Variants in BAZ2B observed in about 807,000 individuals in gnomAD.
BAZ2B encodes the protein bromodomain adjacent to zinc finger domain protein 2B.
Under a neutral mutation model 246.0 loss-of-function variants are expected in BAZ2B, and 91 were observed. The ratio of observed to expected loss-of-function variants is 0.37; its 90% confidence interval spans 0.31 to 0.44. The LOEUF is 0.44. BAZ2B is among the 20% of genes least tolerant of loss of function. The pLI, the probability that BAZ2B is intolerant of heterozygous loss-of-function variation, is 1.00. For synonymous variants in BAZ2B, 855 were observed against 860.0 expected (o/e 0.99, Z 0.10); for missense variants, 2,332 against 2,533.7 (o/e 0.92, Z 1.71).
At chr2:159,541,782 C>T (rs1450153927) in intron 2 of BAZ2B, among the ~76,000 whole-genome samples, 1 of 151,966 alleles carries the variant, frequency 6.6e-6, no homozygotes, top group Non-Finnish European at 1.5e-5. Flanking sequence ...CTTCATATGC[C>T]TTTAAGTTAC....
chr2:159,371,316 T>A (rs1257902892), intron 27 of BAZ2B, among the ~76,000 whole-genome samples: 1 of 151,942 alleles, frequency 6.6e-6, no homozygotes, highest in Non-Finnish European at 1.5e-5. Flanking sequence ...CTAATTTTTG[T>A]ACTTTTTGCT....
At chr2:159,373,316 G>T in intron 26 of BAZ2B, 127 bp from the exon 27 acceptor site, 1 of 713,432 alleles carries the variant, frequency 1.4e-6, no homozygotes, top group Non-Finnish European at 2.0e-6. Context: ...AAGAGCAAAA[G>T]GTCTAAATAT....
intron 2 of BAZ2B, among the ~76,000 whole-genome samples, chr2:159,547,274 A>G (rs1446223090): frequency 6.6e-6 from 1 of 152,188 alleles, no homozygotes; most frequent in Non-Finnish European, 1.5e-5. Flanking sequence ...AAATGCATTT[A>G]AAAATGCATT....
intron 1 of BAZ2B, among the ~76,000 whole-genome samples, chr2:159,558,790 T>A (rs1308587220): frequency 6.6e-6 from 1 of 152,038 alleles, no homozygotes; most frequent in Non-Finnish European, 1.5e-5. Context: ...GAAAATACAA[T>A]GAATAAAGGC....
intron 1 of BAZ2B, among the ~76,000 whole-genome samples, chr2:159,592,884 T>C (rs1012123187): frequency 6.6e-6 from 1 of 152,222 alleles, no homozygotes; most frequent in African/African-American, 2.4e-5. Flanking sequence ...CTGTTAAGTT[T>C]TGAAATATTT....
intron 2 of BAZ2B, among the ~76,000 whole-genome samples, chr2:159,481,648 A>G (rs1373060253): frequency 1.3e-5 from 2 of 152,030 alleles, no homozygotes; most frequent in African/African-American, 4.8e-5. Flanking sequence ...GCCCCAGAAG[A>G]GTCCATCACT....
At chr2:159,360,542 G>T (rs1449996981) in intron 27 of BAZ2B, among the ~76,000 whole-genome samples, 1 of 149,994 alleles carries the variant, frequency 6.7e-6, no homozygotes, top group African/African-American at 2.4e-5. Flanking sequence ...GTAATTTATA[G>T]ATTCAATGCT....
chr2:159,368,491 A>C (rs967939099), intron 27 of BAZ2B, among the ~76,000 whole-genome samples: 2 of 152,182 alleles, frequency 1.3e-5, no homozygotes, highest in Non-Finnish European at 1.5e-5. Flanking sequence ...TATTATTTAT[A>C]AGTTCTTAGC....
Position 159,337,684 on chromosome 2 carries a change from T to A in BAZ2B, c.5543A>T (p.Asp1848Val), listed in dbSNP as rs770471488. ...KSFTKLCKEH[D>V]GEFTGEDESS... Reference sequence around the variant, plus strand: ...TTCGTCTTCGCCAGTAAATTCTCCATCATGCTCCTTGCACAATTTAGTAAA... The same window carrying A: ...TTCGTCTTCGCCAGTAAATTCTCCAACATGCTCCTTGCACAATTTAGTAAA... The change falls in exon 32 of 37, where the codon GAT becomes GTT. Residue 1848 changes from aspartate to valine, a missense_variant. This residue lies in a region of BAZ2B where 676 missense variants were observed against 668.6 expected (regional missense o/e 1.01). Transcript: ENST00000392783. 1 of 1,614,228 alleles carries A rather than the reference T, an allele frequency of 6.2e-7. No individual in the cohort carries two copies. Among genetic ancestry groups the A allele is most frequent in the East Asian group, 2.2e-5 (1 of 44,892 alleles).
chr2:159,374,312 CTG>C (rs1006267505), intron 26 of BAZ2B, among the ~76,000 whole-genome samples: 6 of 152,114 alleles, frequency 3.9e-5, no homozygotes, highest in Non-Finnish European at 7.4e-5. Flanking sequence ...GATGCTGAAA[CTG>C]TTACTATGAA....
At chr2:159,642,238 C>CTTTTTTTTTTTTT in the BAZ2B span, among the ~76,000 whole-genome samples, 2 of 131,724 alleles carry the variant, frequency 1.5e-5, no homozygotes, top group African/African-American at 2.8e-5. Flanking sequence ...TTCTTTCTTT[C>CTTTTTTTTTTTTT]TTTTTTTTTT....
intron 1 of BAZ2B, among the ~76,000 whole-genome samples, chr2:159,608,518 T>C (rs1386126725): frequency 1.3e-5 from 2 of 152,208 alleles, no homozygotes; most frequent in African/African-American, 4.8e-5. Flanking sequence ...AGAACCCCTC[T>C]TCATCAAGAA....
chr2:159,372,979 A>T (rs1409544468), intron 27 of BAZ2B, 66 bp downstream of exon 27: 2 of 1,475,802 alleles, frequency 1.4e-6, no homozygotes, highest in African/African-American at 2.9e-5. Context: ...TATATTGAAG[A>T]AGTAACAGAG....
intron 2 of BAZ2B, among the ~76,000 whole-genome samples, chr2:159,491,901 C>T (rs892917444): frequency 6.6e-6 from 1 of 151,930 alleles, no homozygotes; most frequent in Non-Finnish European, 1.5e-5. Flanking sequence ...TGAAGATAGT[C>T]ATTATTACCA....
chr2:159,479,339 G>A (rs1195885755), intron 2 of BAZ2B, among the ~76,000 whole-genome samples: 1 of 151,916 alleles, frequency 6.6e-6, no homozygotes, highest in Non-Finnish European at 1.5e-5. Context: ...TTAATTTGTT[G>A]GGCTTTATGG....
chr2:159,478,406 C>T (rs2078866235), intron 3 of BAZ2B, among the ~76,000 whole-genome samples, 169 bp downstream of exon 3: 1 of 152,146 alleles, frequency 6.6e-6, no homozygotes, highest in Non-Finnish European at 1.5e-5. Context: ...ATAACCAGTG[C>T]TATCCCAGCG....
chr2:159,498,204 C>T (rs2081354864), intron 2 of BAZ2B, among the ~76,000 whole-genome samples: 1 of 152,070 alleles, frequency 6.6e-6, no homozygotes, highest in Non-Finnish European at 1.5e-5. Context: ...GTATTTTGTT[C>T]TTACGTGTTT....
At chr2:159,481,795 A>G (rs1232482401) in intron 2 of BAZ2B, among the ~76,000 whole-genome samples, 53 of 152,094 alleles carry the variant, frequency 3.5e-4, no homozygotes, top group Non-Finnish European at 2.9e-5. Flanking sequence ...AAAGAAAAAA[A>G]AAAAGACTGT....
At chr2:159,346,567 T>C (rs949481679) in intron 31 of BAZ2B, among the ~76,000 whole-genome samples, 1 of 152,020 alleles carries the variant, frequency 6.6e-6, no homozygotes, top group African/African-American at 2.4e-5. Flanking sequence ...TAGTGGGGCA[T>C]CACGGCATGT....
Sources: allele counts gnomAD v4.1 joint callset (sites outside exome capture counted in the v4.1 genomes callset), GRCh38; gene constraint gnomAD v4.1.1; regional missense constraint gnomAD v4.1.1; transcripts MANE v1.5; gene names NCBI Gene and HGNC (gene_info 2026-07-23, HGNC 2026-07-21).